Variants in CSMD1 observed in about 807,000 individuals in gnomAD.
The protein encoded by CSMD1 is CUB and Sushi multiple domains 1.
Under a neutral mutation model 417.5 loss-of-function variants are expected in CSMD1, and 213 were observed. That is an observed-to-expected ratio of 0.51 (90% CI 0.46 to 0.57). CSMD1 has a LOEUF of 0.57. Ranked by LOEUF, CSMD1 falls within the 20% of genes least tolerant of loss-of-function variation. CSMD1 has a pLI of 0.00. For missense variants in CSMD1, 6,923 were observed against 4,529.7 expected (o/e 1.53, Z -15.17); for synonymous variants, 2,862 against 1,736.8 (o/e 1.65, Z -16.11).
intron 2 of CSMD1, among the ~76,000 whole-genome samples, chr8:4,436,233 C>G (rs1167113289): frequency 1.3e-5 from 2 of 152,114 alleles, no homozygotes; most frequent in Non-Finnish European, 2.9e-5. Context: ...TATTGTAGGA[C>G]AAAATTAGTT....
Position 4,924,286 on chromosome 8 carries a change from G to T in CSMD1, c.85+70046C>A, listed in dbSNP as rs368531030. ...AAACAGTTTTGTATCATTTTACTAAGATATTTTCATCCCAGTATCCTAATT... is the reference window on the plus strand; with the variant it reads ...AAACAGTTTTGTATCATTTTACTAATATATTTTCATCCCAGTATCCTAATT... On this transcript the variant is annotated intron_variant, in intron 1 of 69. Coordinates refer to ENST00000635120, the MANE Select transcript of CSMD1 (RefSeq NM_033225.6). Among the ~76,000 whole-genome samples the T allele has an allele frequency of 2.0e-5, 3 of 152,252 alleles. No homozygotes were observed. The South Asian group carries it at 6.2e-4, about 32-fold the overall frequency.
chr8:4,010,207 T>C (rs1158251647), intron 4 of CSMD1, among the ~76,000 whole-genome samples: 1 of 152,172 alleles, frequency 6.6e-6, no homozygotes, highest in Non-Finnish European at 1.5e-5. Flanking sequence ...TGGCAGACTG[T>C]GCCCACCCAC....
intron 1 of CSMD1, among the ~76,000 whole-genome samples, chr8:4,718,466 C>T (rs948625609): frequency 2.0e-5 from 3 of 151,998 alleles, no homozygotes; most frequent in African/African-American, 7.3e-5. Flanking sequence ...AACATCACTC[C>T]TGAAGACAGG....
intron 3 of CSMD1, among the ~76,000 whole-genome samples, chr8:4,260,025 CTTTTTT>C (rs5889029): frequency 1.3e-4 from 19 of 150,764 alleles, no homozygotes; most frequent in African/African-American, 3.4e-4. Context: ...CTTGTGCACA[CTTTTTT>C]TTTTTTAACA....
At chr8:3,024,086 AC>A (rs1809663377) in intron 51 of CSMD1, among the ~76,000 whole-genome samples, 1 of 152,074 alleles carries the variant, frequency 6.6e-6, no homozygotes, top group Non-Finnish European at 1.5e-5. Context: ...GGTTTATCAC[AC>A]ACTTATTTAA....
At chr8:3,649,278 T>C (rs1019282635) in intron 7 of CSMD1, among the ~76,000 whole-genome samples, 3 of 152,250 alleles carry the variant, frequency 2.0e-5, no homozygotes, top group African/African-American at 7.2e-5. Flanking sequence ...AATATTACTA[T>C]GTGAGAACCA....
rs577430817 is a variant in CSMD1, at chr8:3,539,032, C to G, written c.1344+35913G>C. 8.5e-4 allele frequency among the ~76,000 whole-genome samples: 130 copies of G among 152,310 alleles called. 2 individuals are homozygous for G. The highest frequency in any genetic ancestry group is 3.4e-3 in the Middle Eastern group (1 of 294). ...TAAAATCCAAACACATTAGGACAGC[C>G]TGAAACACCCAGAGATGGCCTCTCC... On this transcript the variant is annotated intron_variant, in intron 10 of 69. Coordinates refer to ENST00000635120, the MANE Select transcript of CSMD1 (RefSeq NM_033225.6).
At chr8:4,354,902 G>GTGTGTA (rs1554442807) in intron 3 of CSMD1, among the ~76,000 whole-genome samples, 3 of 148,746 alleles carry the variant, frequency 2.0e-5, no homozygotes, top group African/African-American at 7.6e-5. Flanking sequence ...GTGTGTGTGT[G>GTGTGTA]TGTGTGTTAA....
chr8:4,168,627 T>C (rs770473613), intron 3 of CSMD1, among the ~76,000 whole-genome samples: 19 of 152,168 alleles, frequency 1.2e-4, no homozygotes, highest in Middle Eastern at 6.8e-3. Flanking sequence ...GATGAACATC[T>C]TAGATCATCA....
chr8:3,370,045 C>A (rs13262663), intron 18 of CSMD1, among the ~76,000 whole-genome samples: 35,711 of 152,038 alleles, frequency 0.23, 4,302 homozygotes, highest in African/African-American at 0.29. Context: ...TGTGTAGTAG[C>A]TACTAAATGA....
chr8:3,734,112 A>C (rs191391384), intron 6 of CSMD1, among the ~76,000 whole-genome samples: 1 of 152,332 alleles, frequency 6.6e-6, no homozygotes, highest in African/African-American at 2.4e-5. Context: ...AATGTGCTAA[A>C]TTAATACTTA....
intron 1 of CSMD1, among the ~76,000 whole-genome samples, chr8:4,878,998 G>A (rs1329415211): frequency 6.6e-6 from 1 of 151,946 alleles, no homozygotes; most frequent in Non-Finnish European, 1.5e-5. Flanking sequence ...GAACAGGATG[G>A]GTGAGGGCAA....
chr8:3,740,513 C>T lies in CSMD1; in HGVS notation c.931+13417G>A, dbSNP rs142467201. Reference sequence around the variant, plus strand: ...GTAAAATACTCAGAGGAGGGTTCACCGATGGATGTGATATACAGACGGAAA... The same window carrying T: ...GTAAAATACTCAGAGGAGGGTTCACTGATGGATGTGATATACAGACGGAAA... On this transcript the variant is annotated intron_variant, in intron 6 of 69. Coordinates refer to ENST00000635120, the MANE Select transcript of CSMD1 (RefSeq NM_033225.6). Among the ~76,000 whole-genome samples the T allele has an allele frequency of 3.7e-4, 56 of 152,184 alleles. No individual in the cohort carries two copies. In the East Asian group the frequency reaches 9.3e-3, roughly 25 times the overall value.
At chr8:3,749,588 C>T (rs1403415569) in intron 6 of CSMD1, among the ~76,000 whole-genome samples, 1 of 152,020 alleles carries the variant, frequency 6.6e-6, no homozygotes, top group Non-Finnish European at 1.5e-5. Context: ...AAGAAAAGCA[C>T]CAAGTTAAAA....
intron 7 of CSMD1, among the ~76,000 whole-genome samples, chr8:3,684,581 A>G (rs149378452): frequency 4.6e-4 from 68 of 148,804 alleles, no homozygotes; most frequent in African/African-American, 1.4e-3. Context: ...ACCCAGTTGC[A>G]GATACTGATA....
intron 18 of CSMD1, among the ~76,000 whole-genome samples, chr8:3,386,836 G>C (rs1328158616): frequency 6.6e-6 from 1 of 152,058 alleles, no homozygotes; most frequent in Non-Finnish European, 1.5e-5. Flanking sequence ...AATACCCCAA[G>C]TTTTTTTGGC....
In CSMD1 at chr8:3,860,221, G is replaced by A. The variant is rs572974826; in HGVS notation, c.819-106179C>T. 2.0e-5 allele frequency among the ~76,000 whole-genome samples: 3 copies of A among 152,208 alleles called. No homozygotes were observed. The South Asian group carries it at 6.2e-4, about 32-fold the overall frequency. The stretch of plus-strand genomic sequence containing the variant: ...ATGAAAGTAGGAACAGCACCAGGTC[G>A]TGTTCTCCAACTGCCTACTCTGTTT... On this transcript the variant is annotated intron_variant, in intron 5 of 69. Transcript: ENST00000635120.
intron 3 of CSMD1, among the ~76,000 whole-genome samples, chr8:4,110,286 A>G (rs1230076610): frequency 6.6e-6 from 1 of 152,174 alleles, no homozygotes; most frequent in Non-Finnish European, 1.5e-5. Flanking sequence ...GTGAGAAGCA[A>G]TTTTAATTTA....
At chr8:4,717,242 G>C (rs774814361) in intron 1 of CSMD1, among the ~76,000 whole-genome samples, 29 of 150,370 alleles carry the variant, frequency 1.9e-4, no homozygotes, top group Non-Finnish European at 2.8e-4. Context: ...AGCTACCTTG[G>C]TAATGGCAGG....
Sources: allele counts gnomAD v4.1 joint callset (sites outside exome capture counted in the v4.1 genomes callset), GRCh38; gene constraint gnomAD v4.1.1; transcripts MANE v1.5; gene names NCBI Gene and HGNC (gene_info 2026-07-23, HGNC 2026-07-21).